Variants in PRMT9 observed in about 807,000 individuals in gnomAD.
PRMT9 encodes protein arginine N-methyltransferase 9.
PRMT9 carries 59 observed loss-of-function variants against 83.2 expected under a neutral mutation model. The observed-to-expected ratio is 0.71, with a 90% CI of 0.57 to 0.88. The LOEUF (loss-of-function observed/expected upper bound fraction) is 0.88. PRMT9 is among the 40% of genes least tolerant of loss of function. The pLI, the probability that PRMT9 is intolerant of heterozygous loss-of-function variation, is 0.00. For synonymous variants in PRMT9, 333 were observed against 353.2 expected (o/e 0.94, Z 0.64); for missense variants, 947 against 1,021.9 (o/e 0.93, Z 1.00).
intron 7 of PRMT9, among the ~76,000 whole-genome samples, chr4:147,658,184 G>T (rs1461486443): frequency 6.6e-6 from 1 of 151,284 alleles, no homozygotes; most frequent in African/African-American, 2.4e-5. Context: ...TTATTAAAAA[G>T]AATGAAGCAG....
intron 6 of PRMT9, among the ~76,000 whole-genome samples, chr4:147,664,468 A>C (rs1735183674): frequency 6.6e-6 from 1 of 152,208 alleles, no homozygotes; most frequent in Admixed American, 6.5e-5. Context: ...GAATGGTCCC[A>C]ACTAGGGTTT....
intron 4 of PRMT9, chr4:147,671,863 G>A (rs1186174558): frequency 2.2e-6 from 1 of 456,104 alleles, no homozygotes; most frequent in South Asian, 1.5e-5. Flanking sequence ...AATTCATACT[G>A]AAGGCCTTAA....
chr4:147,658,302 G>T (rs573613866), intron 7 of PRMT9, among the ~76,000 whole-genome samples: 1 of 152,070 alleles, frequency 6.6e-6, no homozygotes, highest in East Asian at 1.9e-4. Context: ...GGGGGATGGA[G>T]GGGGGTAGAG....
intron 5 of PRMT9, among the ~76,000 whole-genome samples, chr4:147,670,429 T>C (rs1022138023): frequency 1.3e-5 from 2 of 152,232 alleles, no homozygotes; most frequent in Non-Finnish European, 2.9e-5. Context: ...TCCACCCACC[T>C]TGGCCTCCCA....
chr4:147,683,399 G>A (rs1736629909), intron 1 of PRMT9, among the ~76,000 whole-genome samples: 1 of 152,212 alleles, frequency 6.6e-6, no homozygotes, highest in South Asian at 2.1e-4. Context: ...TCAGTTGAGA[G>A]CCGACTGCAA....
intron 7 of PRMT9, 28 bp from the exon 8 acceptor site, chr4:147,658,003 G>A (rs749161551): frequency 1.4e-5 from 20 of 1,451,370 alleles, no homozygotes; most frequent in South Asian, 2.3e-5. Flanking sequence ...GGAATGAAAC[G>A]GTTTTATATA....
At chr4:147,669,497 C>G (rs1735593764) in intron 5 of PRMT9, among the ~76,000 whole-genome samples, 1 of 151,884 alleles carries the variant, frequency 6.6e-6, no homozygotes, top group Admixed American at 6.6e-5. Context: ...GACTGTAAGT[C>G]TGCATAGAAA....
intron 6 of PRMT9, among the ~76,000 whole-genome samples, chr4:147,664,134 C>T (rs1044493804): frequency 6.6e-6 from 1 of 152,146 alleles, no homozygotes; most frequent in Non-Finnish European, 1.5e-5. Context: ...CAGCAAGACC[C>T]TGTCTCTATA....
chr4:147,684,014 G>C lies in PRMT9; in HGVS notation c.-27C>G, dbSNP rs755140220. The C allele has an allele frequency of 1.9e-6, 3 of 1,608,194 alleles. No individual in the cohort carries two copies. The South Asian group carries it at 3.3e-5, about 18-fold the overall frequency. On this transcript the variant is annotated 5_prime_UTR_variant, in exon 1 of 12. Transcript: ENST00000322396. ...GCAGTCACCACTTGTATGGCCAAAG[G>C]GAAGATATTTTGTAAACGTAATTAG...
At chr4:147,661,226 A>G (rs1734927409) in intron 6 of PRMT9, 188 bp from the exon 7 acceptor site, 2 of 530,606 alleles carry the variant, frequency 3.8e-6, no homozygotes, top group South Asian at 3.1e-5. Flanking sequence ...ACAACTATAA[A>G]TAGGTCTATA....
chr4:147,638,786 T>C (rs749305882), intron 11 of PRMT9, 39 bp from the exon 12 acceptor site: 36 of 1,470,854 alleles, frequency 2.4e-5, no homozygotes, highest in African/African-American at 9.8e-5. Flanking sequence ...TCAGAGTGCA[T>C]AGAGTAGACT....
At chr4:147,646,029 G>A (rs925363992) in intron 9 of PRMT9, among the ~76,000 whole-genome samples, 1 of 152,114 alleles carries the variant, frequency 6.6e-6, no homozygotes, top group African/African-American at 2.4e-5. Flanking sequence ...GTCATAATAG[G>A]TAGTCTGGTA....
chr4:147,638,844 C>T (rs1054064428), intron 11 of PRMT9, 97 bp from the exon 12 acceptor site: 53 of 1,355,938 alleles, frequency 3.9e-5, no homozygotes, highest in Middle Eastern at 4.1e-4. Context: ...ATTTAAAATA[C>T]ATTTCACTAG....
intron 2 of PRMT9, among the ~76,000 whole-genome samples, chr4:147,678,405 G>A (rs1560708963): frequency 2.0e-5 from 3 of 152,180 alleles, no homozygotes; most frequent in South Asian, 2.1e-4. Flanking sequence ...ACTCTGAAAC[G>A]TTCAAACTCA....
intron 4 of PRMT9, among the ~76,000 whole-genome samples, chr4:147,671,682 T>C (rs1578929398): frequency 6.6e-6 from 1 of 152,340 alleles, no homozygotes; most frequent in African/African-American, 2.4e-5. Context: ...TCTGGTCCAA[T>C]ACCTTGAGGT....
intron 2 of PRMT9, among the ~76,000 whole-genome samples, chr4:147,674,598 A>C (rs1346729967): frequency 6.6e-6 from 1 of 152,168 alleles, no homozygotes; most frequent in African/African-American, 2.4e-5. Flanking sequence ...TATTTTTAAG[A>C]CTAGTCAAGT....
Position 147,657,832 on chromosome 4 carries a change from T to A in PRMT9, c.1290A>T (p.Thr430=), listed in dbSNP as rs1001437730. Residue 430 remains threonine, a synonymous_variant, in exon 8 of 12, where the codon ACA becomes ACT. Transcript: ENST00000322396. Reference sequence around the variant, plus strand: ...CGGGGTAGACAGCCTGTTCCCAACATGTTTCCTCACTAGGACTTGTGGATA... The same window carrying A: ...CGGGGTAGACAGCCTGTTCCCAACAAGTTTCCTCACTAGGACTTGTGGATA... ...HSLSTSPSEE[T]CWEQAVYPVQ... is the part of the protein sequence containing the mutation. 1 of 1,611,794 alleles carries A rather than the reference T, an allele frequency of 6.2e-7. No individual in the cohort carries two copies. The highest frequency in any genetic ancestry group is 1.3e-5 in the African/African-American group (1 of 74,098).
chr4:147,664,778 A>G (rs1471384402), intron 6 of PRMT9, among the ~76,000 whole-genome samples: 9 of 152,234 alleles, frequency 5.9e-5, no homozygotes, highest in Admixed American at 6.5e-5. Context: ...TGTTCTGCAC[A>G]TGTATCCCAG....
rs1736659729 is a variant in PRMT9, at chr4:147,683,733, CTGT to C, written c.189+63_189+65del. ...CTAGCCCCTCCGCTTTTTTTTTTTT[CTGT>C]TTTTTTTTTTTTTTTTACGAGGACG... is the stretch of plus-strand genomic sequence containing the variant. On this transcript the variant is annotated intron_variant, in intron 1 of 11. Coordinates refer to ENST00000322396, the MANE Select transcript of PRMT9 (RefSeq NM_138364.4). 3.7e-3 allele frequency: 1,789 copies of C among 480,388 alleles called. 4 individuals are homozygous for C. The highest frequency in any genetic ancestry group is 6.2e-3 in the East Asian group (125 of 20,228). The allele number at this position is 480,388 out of a possible 1,614,324, so 29.8% of individuals were successfully genotyped here. A position where few individuals can be genotyped will look rare whatever the true frequency, so the allele number is the denominator to read the frequency against.
Sources: allele counts gnomAD v4.1 joint callset (sites outside exome capture counted in the v4.1 genomes callset), GRCh38; gene constraint gnomAD v4.1.1; transcripts MANE v1.5; gene names NCBI Gene and HGNC (gene_info 2026-07-23, HGNC 2026-07-21).